The following PIK3CD variants were observed in gnomAD, a reference collection of about 807,000 sequenced individuals.
The protein encoded by PIK3CD is phosphatidylinositol 4,5-bisphosphate 3-kinase catalytic subunit delta isoform.
In PIK3CD, 20 loss-of-function variants were observed where a neutral mutation model predicts 122.9. The observed-to-expected ratio is 0.16, with a 90% CI of 0.11 to 0.24. The LOEUF is 0.24. Among genes scored for constraint, PIK3CD ranks in the 10% least tolerant of loss-of-function variants. PIK3CD has a pLI of 1.00. For synonymous variants in PIK3CD, 596 were observed against 593.4 expected, an observed-to-expected ratio of 1.00 and a Z score of -0.06; for missense variants, 787 against 1,406.3, an observed-to-expected ratio of 0.56 and a Z score of 7.04.
chr1:9,725,019 T>G (rs1021857073), intron 23 of PIK3CD, 83 bp downstream of exon 23: 1 of 1,524,946 alleles, frequency 6.6e-7, no homozygotes, highest in African/African-American at 1.4e-5. Context: ...GGGCCCTGAA[T>G]GCAGTAGGCC....
At chr1:9,701,535 C>T (rs1394089532) in intron 2 of PIK3CD, among the ~76,000 whole-genome samples, 3 of 151,976 alleles carry the variant, frequency 2.0e-5, no homozygotes, top group Non-Finnish European at 1.5e-5. Context: ...CAGCCAGGCA[C>T]AGTGGCAGAC....
chr1:9,640,816 C>G, the PIK3CD span, among the ~76,000 whole-genome samples: 1 of 152,158 alleles, frequency 6.6e-6, no homozygotes, highest in Non-Finnish European at 1.5e-5. Flanking sequence ...CCTCAGCTGC[C>G]CCCTCCCGCA....
the PIK3CD span, among the ~76,000 whole-genome samples, chr1:9,642,609 C>T: frequency 2.0e-5 from 3 of 149,494 alleles, no homozygotes; most frequent in Non-Finnish European, 3.0e-5. Flanking sequence ...CCCAGCTACT[C>T]AGGAGGCTGA....
intron 3 of PIK3CD, among the ~76,000 whole-genome samples, chr1:9,713,494 T>G (rs182025636): frequency 2.0e-5 from 3 of 149,422 alleles, no homozygotes; most frequent in African/African-American, 5.1e-5. Context: ...ATGTACAGTG[T>G]TTTTTTTGTA....
rs1649123572 is a variant in PIK3CD, at chr1:9,724,146, C to T, written c.2718+54C>T. 1 of 1,613,890 alleles carries T rather than the reference C, an allele frequency of 6.2e-7. No individual in the cohort carries two copies. The highest frequency in any genetic ancestry group is 8.5e-7 in the Non-Finnish European group (1 of 1,180,016). On this transcript the variant is annotated intron_variant, in intron 21 of 23. Coordinates refer to ENST00000377346, the MANE Select transcript of PIK3CD (RefSeq NM_005026.5). The surrounding 1 kb of genome is among the most constrained non-coding windows in gnomAD (Gnocchi z 7.3). ...TGGGGACTTGGCTTCTGGCCCCAGC[C>T]TGCTGGCCCCTCTGCCTAGCACACA... is the stretch of plus-strand genomic sequence containing the variant.
the PIK3CD span, among the ~76,000 whole-genome samples, chr1:9,637,808 A>T: frequency 3.9e-5 from 6 of 152,156 alleles, no homozygotes; most frequent in Non-Finnish European, 7.4e-5. Flanking sequence ...CTTCTGTAAA[A>T]ACCATACACC....
chr1:9,723,432 GT>G lies in PIK3CD; in HGVS notation c.2594+141del. 1.1e-6 allele frequency: 1 copy of G among 871,294 alleles called. No homozygotes were observed. Among genetic ancestry groups the G allele is most frequent in the Non-Finnish European group, 1.9e-6 (1 of 522,216 alleles). The allele number at this position is 871,294 out of a possible 1,614,324, so 54.0% of individuals were successfully genotyped here. The stretch of plus-strand genomic sequence containing the variant: ...ACTTGGCTCAGTTGAGGACCAGCCT[GT>G]GTCTGGGTTGGGGTGAGGTAGGTCT... On this transcript the variant is annotated intron_variant, in intron 20 of 23. Coordinates refer to ENST00000377346, the MANE Select transcript of PIK3CD (RefSeq NM_005026.5). The surrounding 1 kb of genome is among the most constrained non-coding windows in gnomAD (Gnocchi z 4.9).
At chr1:9,683,132 AAAAAAAAACCAAAAAAC>A (rs1482544684) in intron 1 of PIK3CD, among the ~76,000 whole-genome samples, 1 of 63,972 alleles carries the variant, frequency 1.6e-5, no homozygotes, top group African/African-American at 4.7e-5. Context: ...CTCAAAAAAA[AAAAAAAAACCAAAAAAC>A]CAAAACAGGC....
At chr1:9,657,186 T>A (rs1644882511) in intron 1 of PIK3CD, among the ~76,000 whole-genome samples, 2 of 152,268 alleles carry the variant, frequency 1.3e-5, no homozygotes, top group African/African-American at 4.8e-5. Context: ...TAAGGACACT[T>A]CTTGTTGGAT....
At chr1:9,666,386 C>T (rs921972515) in intron 1 of PIK3CD, among the ~76,000 whole-genome samples, 1 of 150,860 alleles carries the variant, frequency 6.6e-6, no homozygotes, top group African/African-American at 2.4e-5. Flanking sequence ...GGATTACAGG[C>T]ACCCACCAGG....
At chr1:9,673,929 G>A (rs1192697042) in intron 1 of PIK3CD, among the ~76,000 whole-genome samples, 2 of 152,162 alleles carry the variant, frequency 1.3e-5, no homozygotes, top group Admixed American at 6.6e-5. Flanking sequence ...ACTGCCATCC[G>A]ATTGGAGCAG....
At position 9,727,182 on chromosome 1, in the gene PIK3CD, T is replaced by A; in HGVS notation, c.*136T>A. ...CGACATGGCTGCCTTTTGTTTACAC[T>A]GGTTATTTATTTATGACTTGAAATA... On this transcript the variant is annotated 3_prime_UTR_variant, in exon 24 of 24. Coordinates refer to ENST00000377346, the MANE Select transcript of PIK3CD (RefSeq NM_005026.5). 1 of 962,908 alleles carries A rather than the reference T, an allele frequency of 1.0e-6. No homozygotes were observed. Among genetic ancestry groups the A allele is most frequent in the Non-Finnish European group, 1.6e-6 (1 of 617,914 alleles). The allele number at this position is 962,908 out of a possible 1,614,324, so 59.6% of individuals were successfully genotyped here. A position where few individuals can be genotyped will look rare whatever the true frequency, so the allele number is the denominator to read the frequency against.
the PIK3CD span, among the ~76,000 whole-genome samples, chr1:9,631,541 A>T: frequency 6.6e-6 from 1 of 152,222 alleles, no homozygotes; most frequent in Admixed American, 6.5e-5. Flanking sequence ...CTGTAATCCC[A>T]GCTACTCAGG....
rs1394190423 is a variant in PIK3CD, at chr1:9,700,096, TTTG to T, written c.-33+8528_-33+8530del. Among the ~76,000 whole-genome samples, 1 of 152,190 alleles carries T rather than the reference TTTG, an allele frequency of 6.6e-6. No individual in the cohort carries two copies. Among genetic ancestry groups the T allele is most frequent in the African/African-American group, 2.4e-5 (1 of 41,458 alleles). ...CTACCTGAAGCATCTTGTTTATCTA[TTTG>T]TTTTCTTTTTAACTTTGTATTTAAT... On this transcript the variant is annotated intron_variant, in intron 2 of 23. Transcript: ENST00000377346. This position sits in a 1 kb window ranked among gnomAD's most constrained non-coding sequence, Gnocchi z 5.1.
rs772711644 is a variant in PIK3CD at position 9,726,902 on chromosome 1, T to A, written c.2998-7T>A. ...TTAACGTGGACACCGCTGTGATTTG[T>A]TTGCAGGACTCCCTGGCACTGGGGA... On this transcript the variant is annotated splice_region_variant and splice_polypyrimidine_tract_variant and intron_variant, in intron 23 of 23. Transcript: ENST00000377346. 2.5e-6 allele frequency: 4 copies of A among 1,613,766 alleles called. No homozygotes were observed. In the South Asian group the frequency reaches 4.4e-5, roughly 18 times the overall value.
chr1:9,654,380 A>C lies in PIK3CD; in HGVS notation c.-138+2578A>C. 3.7e-6 allele frequency: 5 copies of C among 1,367,666 alleles called. No individual in the cohort carries two copies. In the South Asian group the frequency reaches 5.7e-5, roughly 16 times the overall value. 84.7% of individuals were successfully genotyped at this position (1,367,666 alleles called of 1,614,324 possible). A position where few individuals can be genotyped will look rare whatever the true frequency, so the allele number is the denominator to read the frequency against. On this transcript the variant is annotated intron_variant, in intron 1 of 23. Transcript: ENST00000377346. ...CCATGTTTAGCAAGTGTTTCCTGAG[A>C]TCACACGGGGTGCCAGGGGCTGTGC...
chr1:9,681,020 C>G (rs1355557291), intron 1 of PIK3CD: 1 of 152,156 alleles, frequency 6.6e-6, no homozygotes, highest in Non-Finnish European at 1.5e-5. Flanking sequence ...GGCTCAGTGA[C>G]TGGCTGGCTG....
chr1:9,654,484 G>C lies in PIK3CD; in HGVS notation c.-138+2682G>C, dbSNP rs201016347. 1 of 1,129,650 alleles carries C rather than the reference G, an allele frequency of 8.9e-7. No homozygotes were observed. The highest frequency in any genetic ancestry group is 1.1e-6 in the Non-Finnish European group (1 of 876,470). 70.0% of individuals were successfully genotyped at this position (1,129,650 alleles called of 1,614,324 possible). On this transcript the variant is annotated intron_variant, in intron 1 of 23. Coordinates refer to ENST00000377346, the MANE Select transcript of PIK3CD (RefSeq NM_005026.5). ...ACAGACAGTCCACCAATGGTTGTGC[G>C]AAAGCCAGCCCGCTTTCGCACAACT...
chr1:9,640,375 T>A, the PIK3CD span, among the ~76,000 whole-genome samples: 5 of 150,754 alleles, frequency 3.3e-5, no homozygotes, highest in African/African-American at 4.9e-5. Flanking sequence ...AGGTCAGGAG[T>A]TCAAGACCAG....
Sources: gnomAD v4.1 joint callset for allele counts (sites outside exome capture counted in the v4.1 genomes callset) on GRCh38, gnomAD v4.1.1 for gene constraint, Gnocchi (gnomAD v3.1) non-coding constraint, MANE v1.5 for transcripts, NCBI Gene and HGNC (gene_info 2026-07-23, HGNC 2026-07-21) for gene names.